ABCA9: variants seen among roughly 807,000 people sequenced by gnomAD.
ABCA9 encodes the protein ATP binding cassette subfamily A member 9.
Under a neutral mutation model 205.3 loss-of-function variants are expected in ABCA9, and 183 were observed. That is an observed-to-expected ratio of 0.89 (90% CI 0.79 to 1.01). The LOEUF (loss-of-function observed/expected upper bound fraction) is 1.01, where lower values mean the gene tolerates loss of function less well. Ranked by LOEUF, ABCA9 falls within the 50% of genes least tolerant of loss-of-function variation. The pLI is 0.00. For synonymous variants in ABCA9, 651 were observed against 683.3 expected (o/e 0.95, Z 0.74); for missense variants, 1,805 against 1,912.4 (o/e 0.94, Z 1.05).
chr17:69,009,512 G>C (rs2070291346), intron 23 of ABCA9, among the ~76,000 whole-genome samples: 2 of 152,138 alleles, frequency 1.3e-5, no homozygotes, highest in Non-Finnish European at 2.9e-5. Flanking sequence ...AGATACACCT[G>C]GGCCCAGATC....
At chr17:69,030,306 C>T (rs1417260685) in intron 10 of ABCA9, among the ~76,000 whole-genome samples, 1 of 152,132 alleles carries the variant, frequency 6.6e-6, no homozygotes, top group Admixed American at 6.6e-5. Context: ...CTCTTCCTGG[C>T]TTGCAAAGAG....
At chr17:69,025,498 C>G (rs914773258) in intron 16 of ABCA9, among the ~76,000 whole-genome samples, 4 of 152,106 alleles carry the variant, frequency 2.6e-5, no homozygotes, top group Non-Finnish European at 2.9e-5. Context: ...TGAAACATAG[C>G]TAGAGAATAG....
chr17:69,012,369 C>CT (rs1007502357), intron 22 of ABCA9: 6 of 276,024 alleles, frequency 2.2e-5, no homozygotes, highest in Non-Finnish European at 2.7e-5. Context: ...CATGAAACGT[C>CT]TTTTCTCTGA....
intron 6 of ABCA9, among the ~76,000 whole-genome samples, chr17:69,041,716 AAAAAG>A (rs924173006): frequency 7.3e-5 from 10 of 137,276 alleles, no homozygotes; most frequent in Admixed American, 2.2e-4. Context: ...AAAAATAAAA[AAAAAG>A]AAAGAAATTA....
intron 16 of ABCA9, among the ~76,000 whole-genome samples, chr17:69,024,908 C>T (rs2070931418): frequency 6.6e-6 from 1 of 152,024 alleles, no homozygotes; most frequent in Admixed American, 6.6e-5. Flanking sequence ...TAAAATTACT[C>T]ATGAAATTAT....
the ABCA9 span, among the ~76,000 whole-genome samples, chr17:69,075,918 C>A: frequency 6.6e-6 from 1 of 152,024 alleles, no homozygotes; most frequent in African/African-American, 2.4e-5. Context: ...TGTAATTCTT[C>A]TTACAGAGAT....
intron 25 of ABCA9, among the ~76,000 whole-genome samples, chr17:68,999,141 T>TATA (rs753871923): frequency 9.2e-4 from 140 of 151,630 alleles, no homozygotes; most frequent in South Asian, 2.3e-3. Flanking sequence ...TTATTATTAT[T>TATA]ATACTTTAAG....
In ABCA9 at chr17:68,992,212, A is replaced by C; in HGVS notation, c.3679T>G (p.Cys1227Gly). 2 of 1,602,746 alleles carry C rather than the reference A, an allele frequency of 1.2e-6. No individual in the cohort carries two copies. The highest frequency in any genetic ancestry group is 1.3e-5 in the African/African-American group (1 of 74,822). ...TCCTTTCTCATTAGTTTCTTCCTGC[A>C]GTTCATTTCTAGGCATCGCAGAATG... ...LFILRCLEMN[C>G]RKKLMRKDPV... is the part of the protein sequence containing the mutation. The change falls in exon 28 of 39, where the codon TGC (cysteine) becomes GGC (glycine). Residue 1227 changes from cysteine to glycine, a missense_variant. Transcript: ENST00000340001.
intron 36 of ABCA9, among the ~76,000 whole-genome samples, chr17:68,982,842 A>G (rs1031984560): frequency 1.8e-4 from 28 of 152,084 alleles, no homozygotes; most frequent in Admixed American, 1.8e-3. Context: ...CCATCTCCAC[A>G]AAAAAACTTA....
intron 37 of ABCA9, among the ~76,000 whole-genome samples, chr17:68,980,238 C>G (rs1331557445): frequency 1.3e-5 from 2 of 151,924 alleles, no homozygotes; most frequent in African/African-American, 4.8e-5. Flanking sequence ...CAATGAGATA[C>G]CATCTCACAC....
At chr17:68,991,052 G>GATTC (rs1182078780) in intron 28 of ABCA9, 95 bp from the exon 29 acceptor site, 1 of 1,376,152 alleles carries the variant, frequency 7.3e-7, no homozygotes, top group Non-Finnish European at 9.9e-7. Flanking sequence ...TTTTGGAGTA[G>GATTC]ATTCATTCAG....
chr17:69,033,670 T>A, intron 9 of ABCA9, 56 bp downstream of exon 9: 1 of 1,459,928 alleles, frequency 6.8e-7, no homozygotes, highest in Non-Finnish European at 9.3e-7. Context: ...GTAGAGTTGT[T>A]TTAAAGACAT....
chr17:68,992,022 A>C (rs2069468820), intron 28 of ABCA9, among the ~76,000 whole-genome samples, 153 bp downstream of exon 28: 1 of 152,188 alleles, frequency 6.6e-6, no homozygotes, highest in African/African-American at 2.4e-5. Context: ...CTCAGTATAT[A>C]TTCCTATATT....
intron 30 of ABCA9, 138 bp from the exon 31 acceptor site, chr17:68,989,256 T>TCTCTCTCACACACACA (rs138281321): frequency 1.2e-5 from 3 of 242,996 alleles, no homozygotes; most frequent in East Asian, 6.5e-5. Context: ...TCTCTCTCTC[T>TCTCTCTCACACACACA]CACACACACA....
rs1341299463 is a variant in ABCA9 at position 68,976,000 on chromosome 17, A to C, written c.4790T>G (p.Leu1597Arg). The C allele has an allele frequency of 6.2e-7, 1 of 1,613,764 alleles. No individual in the cohort carries two copies. The highest frequency in any genetic ancestry group is 2.2e-5 in the East Asian group (1 of 44,882). ...ATCACCCAGCTCCTGCTCCTTGGAG[A>C]GCTCCAGGAAAACCTAAAAGGAAGG... ...QSTLEQVFLELSKEQELGDLE... is the reference protein window; with the variant it reads ...QSTLEQVFLERSKEQELGDLE... Residue 1597 changes from leucine to arginine, a missense_variant, in exon 39 of 39, where the codon CTC (leucine) becomes CGC (arginine). Coordinates refer to ENST00000340001, the MANE Select transcript of ABCA9 (RefSeq NM_080283.4).
rs1025910103 is a variant in ABCA9, at chr17:68,976,121, T to A, written c.4776+14A>T. 3 of 1,613,192 alleles carry A rather than the reference T, an allele frequency of 1.9e-6. No homozygotes were observed. The African/African-American group carries it at 4.0e-5, about 22-fold the overall frequency. ...TATTCCATGGATGATATAGAATCAC[T>A]AAAAATGACCCACCTGCTCCAGGGT... is the stretch of plus-strand genomic sequence containing the variant. On this transcript the variant is annotated intron_variant, in intron 38 of 38. Coordinates refer to ENST00000340001, the MANE Select transcript of ABCA9 (RefSeq NM_080283.4).
At chr17:69,028,096 TAAGAAA>T (rs1333618559) in intron 12 of ABCA9, among the ~76,000 whole-genome samples, 1 of 152,170 alleles carries the variant, frequency 6.6e-6, no homozygotes, top group Non-Finnish European at 1.5e-5. Context: ...AATAAAAGAA[TAAGAAA>T]AACTTCTAAA....
At chr17:69,004,073 G>A (rs565694974) in intron 25 of ABCA9, among the ~76,000 whole-genome samples, 6 of 152,062 alleles carry the variant, frequency 3.9e-5, no homozygotes, top group African/African-American at 9.6e-5. Flanking sequence ...ATGTCTTCCC[G>A]TAGCTCAGAG....
Position 68,984,959 on chromosome 17 carries a change from G to T in ABCA9, c.4305C>A (p.Ile1435=). The T allele has an allele frequency of 1.2e-6, 2 of 1,614,128 alleles. No individual in the cohort carries two copies. The highest frequency in any genetic ancestry group is 1.7e-6 in the Non-Finnish European group (2 of 1,180,018). Residue 1435 remains isoleucine, a synonymous_variant, in exon 34 of 39, where the codon ATC becomes ATA. Coordinates refer to ENST00000340001, the MANE Select transcript of ABCA9 (RefSeq NM_080283.4). ...IKRKLCFVLS[I]LGNPSVVLLD... ...GAAGCACCACTGACGGGTTCCCCAGGATGCTCAGCACAAAGCACAGCTGCA... is the reference window on the plus strand; with the variant it reads ...GAAGCACCACTGACGGGTTCCCCAGTATGCTCAGCACAAAGCACAGCTGCA...
Sources: allele counts gnomAD v4.1 joint callset (sites outside exome capture counted in the v4.1 genomes callset), GRCh38; gene constraint gnomAD v4.1.1; transcripts MANE v1.5; gene names NCBI Gene and HGNC (gene_info 2026-07-23, HGNC 2026-07-21).